The following SCUBE2 variants were observed in gnomAD, a reference collection of about 807,000 sequenced individuals.
SCUBE2 encodes signal peptide, CUB domain and EGF like domain containing 2, also known as signal peptide, CUB and EGF-like domain-containing protein 2.
A neutral mutation model predicts 125.9 loss-of-function variants in SCUBE2; 114 were observed. The observed-to-expected ratio is 0.91, with a 90% CI of 0.78 to 1.06. The LOEUF is 1.06. Ranked by LOEUF, SCUBE2 falls within the 50% of genes least tolerant of loss-of-function variation. The pLI is 0.00. For missense variants in SCUBE2, 1,255 were observed against 1,301.8 expected, an observed-to-expected ratio of 0.96 and a Z score of 0.55; for synonymous variants, 459 against 492.9, an observed-to-expected ratio of 0.93 and a Z score of 0.91.
intron 2 of SCUBE2, among the ~76,000 whole-genome samples, chr11:9,083,216 C>T (rs77259607): frequency 0.036 from 5,455 of 151,710 alleles, 286 homozygotes; most frequent in African/African-American, 0.12. Flanking sequence ...AAGTGGAATA[C>T]GAAAAGAAAC....
chr11:9,087,215 A>G (rs1590169194), intron 2 of SCUBE2, among the ~76,000 whole-genome samples: 1 of 152,332 alleles, frequency 6.6e-6, no homozygotes, highest in East Asian at 1.9e-4. Context: ...ATCAAACTCA[A>G]AAGCCAAGAG....
chr11:9,071,203 T>C (rs1385326839), intron 4 of SCUBE2, among the ~76,000 whole-genome samples: 2 of 152,204 alleles, frequency 1.3e-5, no homozygotes, highest in Non-Finnish European at 2.9e-5. Flanking sequence ...CAGGAACACC[T>C]GGAAAGTACA....
chr11:9,024,389 G>A, intron 21 of SCUBE2: 5 of 1,288,564 alleles, frequency 3.9e-6, no homozygotes, highest in Non-Finnish European at 5.1e-6. Context: ...TGTCTTGGGT[G>A]TTTGTTTGAC....
Position 9,074,512 on chromosome 11 carries a change from G to A in SCUBE2, c.486C>T (p.Asp162=). The A allele has an allele frequency of 6.2e-7, 1 of 1,614,174 alleles. No individual in the cohort carries two copies. Among genetic ancestry groups the A allele is most frequent in the South Asian group, 1.1e-5 (1 of 91,082 alleles). The change falls in exon 4 of 23, where the codon GAC becomes GAT. Residue 162 remains aspartate, a synonymous_variant. Coordinates refer to ENST00000649792, the MANE Select transcript of SCUBE2 (RefSeq NM_001367977.2). Reference sequence around the variant, plus strand: ...AGCGGTGAATGCAGGTGTGCTGATTGTCACTCAGGAAAAACCCCTCCTTGC... The same window carrying A: ...AGCGGTGAATGCAGGTGTGCTGATTATCACTCAGGAAAAACCCCTCCTTGC... ...CCCKEGFFLS[D]NQHTCIHRSE...
chr11:9,029,807 G>T, intron 19 of SCUBE2, 77 bp downstream of exon 19: 1 of 1,524,506 alleles, frequency 6.6e-7, no homozygotes, highest in Non-Finnish European at 9.0e-7. Context: ...CCTCTGCCCC[G>T]TGCCCCCTGC....
chr11:9,024,326 G>A (rs1022852486), intron 21 of SCUBE2: 3 of 1,260,018 alleles, frequency 2.4e-6, no homozygotes, highest in Non-Finnish European at 3.1e-6. Flanking sequence ...GTCTCTCTCA[G>A]CAGAGCCATG....
intron 2 of SCUBE2, among the ~76,000 whole-genome samples, chr11:9,088,716 G>A (rs1862338157): frequency 6.6e-6 from 1 of 152,214 alleles, no homozygotes; most frequent in African/African-American, 2.4e-5. Flanking sequence ...CCAGGAGCAA[G>A]GAGGGATACT....
intron 16 of SCUBE2, among the ~76,000 whole-genome samples, chr11:9,042,602 G>C (rs1265724366): frequency 1.3e-5 from 2 of 151,614 alleles, no homozygotes; most frequent in Non-Finnish European, 2.9e-5. Context: ...TTTTTTTCCT[G>C]CTTCTCCTAT....
In SCUBE2 at chr11:9,051,708, C is replaced by T. The variant is rs534916772; in HGVS notation, c.1535-998G>A. On this transcript the variant is annotated intron_variant, in intron 13 of 22. Transcript: ENST00000649792. The stretch of plus-strand genomic sequence containing the variant: ...CTGTAAAACAGGCATAATTATAGTA[C>T]CTATATTACCAGGCTGTTGTAAGGA... 3.9e-5 allele frequency among the ~76,000 whole-genome samples: 6 copies of T among 152,176 alleles called. No homozygotes were observed. The South Asian group carries it at 1.2e-3, about 32-fold the overall frequency.
intron 18 of SCUBE2, among the ~76,000 whole-genome samples, 158 bp downstream of exon 18, chr11:9,030,600 C>A (rs1371784609): frequency 6.6e-6 from 1 of 152,186 alleles, no homozygotes; most frequent in Non-Finnish European, 1.5e-5. Flanking sequence ...AGTTCCAGTG[C>A]CCCCTGCACA....
chr11:9,082,435 A>G (rs1307320254), intron 2 of SCUBE2, among the ~76,000 whole-genome samples: 1 of 152,214 alleles, frequency 6.6e-6, no homozygotes, highest in Non-Finnish European at 1.5e-5. Context: ...AAATTTAAAC[A>G]CAAATACAAC....
chr11:9,066,309 G>A (rs1860226309), intron 6 of SCUBE2, among the ~76,000 whole-genome samples: 1 of 152,220 alleles, frequency 6.6e-6, no homozygotes. Context: ...GCTAGTGAAG[G>A]ACACACCGTG....
chr11:9,024,258 C>T, intron 21 of SCUBE2: 2 of 1,068,838 alleles, frequency 1.9e-6, no homozygotes, highest in Non-Finnish European at 2.3e-6. Flanking sequence ...TTGCTTTCTT[C>T]CTGATTCCAG....
Position 9,089,992 on chromosome 11 carries a change from G to A in SCUBE2, c.134-163C>T, listed in dbSNP as rs183779879. On this transcript the variant is annotated intron_variant, in intron 1 of 22. Transcript: ENST00000649792. ...TAAACCAAACTGTTTCTGGGTCCCT[G>A]TTTCCAGGAACAGCCCGGACACTCT... Among the ~76,000 whole-genome samples the A allele has an allele frequency of 2.6e-5, 4 of 152,140 alleles. No homozygotes were observed. In the East Asian group the frequency reaches 7.7e-4, roughly 29 times the overall value.
At chr11:9,069,758 A>G (rs992236267) in intron 4 of SCUBE2, among the ~76,000 whole-genome samples, 1 of 152,336 alleles carries the variant, frequency 6.6e-6, no homozygotes, top group African/African-American at 2.4e-5. Flanking sequence ...TCTCTATTGC[A>G]TGCAGGATCA....
intron 2 of SCUBE2, among the ~76,000 whole-genome samples, chr11:9,079,920 A>T (rs1488910168): frequency 1.3e-5 from 2 of 152,238 alleles, no homozygotes; most frequent in African/African-American, 4.8e-5. Context: ...ACACACACAA[A>T]ATTTCAGGAT....
chr11:9,036,071 A>G (rs1856730561), intron 16 of SCUBE2, among the ~76,000 whole-genome samples: 3 of 152,010 alleles, frequency 2.0e-5, no homozygotes, highest in African/African-American at 4.8e-5. Context: ...TGTATTTTTA[A>G]TAGAAACAGG....
At chr11:9,074,715 C>T (rs952965195) in intron 3 of SCUBE2, 100 bp from the exon 4 acceptor site, 2 of 1,337,082 alleles carry the variant, frequency 1.5e-6, no homozygotes, top group African/African-American at 1.4e-5. Flanking sequence ...TGAGGTTCCT[C>T]TTCACGTCCC....
Position 9,046,304 on chromosome 11 carries a change from G to T in SCUBE2, c.2002+1052C>A, listed in dbSNP as rs533369713. ...ATTATAGGTGTGAGCCATCATGCCTGGCCCCGAGTGTCTTTCGTAGGCTGT... is the reference window on the plus strand; with the variant it reads ...ATTATAGGTGTGAGCCATCATGCCTTGCCCCGAGTGTCTTTCGTAGGCTGT... On this transcript the variant is annotated intron_variant, in intron 16 of 22. Coordinates refer to ENST00000649792, the MANE Select transcript of SCUBE2 (RefSeq NM_001367977.2). Among the ~76,000 whole-genome samples, 7 of 152,162 alleles carry T rather than the reference G, an allele frequency of 4.6e-5. No homozygotes were observed. The South Asian group carries it at 1.2e-3, about 27-fold the overall frequency.
Sources: allele counts gnomAD v4.1 joint callset (sites outside exome capture counted in the v4.1 genomes callset), GRCh38; gene constraint gnomAD v4.1.1; transcripts MANE v1.5; gene names NCBI Gene and HGNC (gene_info 2026-07-23, HGNC 2026-07-21).